BICC1: variants seen among roughly 807,000 people sequenced by gnomAD.
The protein encoded by BICC1 is BicC family RNA binding protein 1, also known as protein bicaudal C homolog 1.
Under a neutral mutation model 111.0 loss-of-function variants are expected in BICC1, and 43 were observed. The observed-to-expected ratio is 0.39, with a 90% CI of 0.30 to 0.50. The LOEUF (loss-of-function observed/expected upper bound fraction) is 0.50. Among genes scored for constraint, BICC1 ranks in the 20% least tolerant of loss-of-function variants. The probability of loss-of-function intolerance (pLI) is 0.88; values close to 1 mark genes in which losing one functional copy is unlikely to be tolerated. For missense variants in BICC1, 1,091 were observed against 1,203.2 expected (o/e 0.91, Z 1.38); for synonymous variants, 467 against 434.4 (o/e 1.07, Z -0.93).
intron 3 of BICC1, among the ~76,000 whole-genome samples, chr10:58,767,771 A>G (rs562154448): frequency 3.3e-5 from 5 of 152,282 alleles, no homozygotes; most frequent in South Asian, 2.1e-4. Context: ...ATAGATATAC[A>G]TCGTAAAATA....
intron 17 of BICC1, among the ~76,000 whole-genome samples, chr10:58,809,903 C>G (rs1321114545): frequency 1.3e-5 from 2 of 152,150 alleles, no homozygotes; most frequent in African/African-American, 4.8e-5. Context: ...CAAGAGAGTC[C>G]ATAGCAAAGG....
chr10:58,529,792 A>G (rs1029931783), intron 1 of BICC1, among the ~76,000 whole-genome samples: 7 of 151,896 alleles, frequency 4.6e-5, no homozygotes, highest in Admixed American at 6.6e-5. Flanking sequence ...CAGAAAGATC[A>G]CCTTCAAAAA....
intron 13 of BICC1, among the ~76,000 whole-genome samples, 187 bp from the exon 14 acceptor site, chr10:58,800,698 GTCTTC>G (rs1843516551): frequency 6.6e-6 from 1 of 152,066 alleles, no homozygotes; most frequent in Non-Finnish European, 1.5e-5. Context: ...ATATATGCGG[GTCTTC>G]TCTTCAAATT....
chr10:58,758,997 T>A (rs1166221684), intron 3 of BICC1, among the ~76,000 whole-genome samples: 1 of 151,902 alleles, frequency 6.6e-6, no homozygotes, highest in Non-Finnish European at 1.5e-5. Flanking sequence ...TCTTGCTTTG[T>A]CACTCAGGCT....
chr10:58,572,485 G>T (rs1232264897), intron 1 of BICC1, among the ~76,000 whole-genome samples: 2 of 152,008 alleles, frequency 1.3e-5, no homozygotes, highest in Admixed American at 1.3e-4. Flanking sequence ...AGATGATCTT[G>T]TTGGAAGCCA....
chr10:58,688,971 A>G (rs1839834730), intron 2 of BICC1, among the ~76,000 whole-genome samples: 1 of 152,214 alleles, frequency 6.6e-6, no homozygotes, highest in Non-Finnish European at 1.5e-5. Context: ...TGGCACATGT[A>G]TACCTGTGTA....
At chr10:58,702,727 G>C (rs1378754303) in intron 3 of BICC1, among the ~76,000 whole-genome samples, 1 of 152,096 alleles carries the variant, frequency 6.6e-6, no homozygotes, top group Admixed American at 6.5e-5. Context: ...ATTACATAGT[G>C]TTTTCAAATG....
At chr10:58,747,111 A>G (rs897587771) in intron 3 of BICC1, among the ~76,000 whole-genome samples, 3 of 152,152 alleles carry the variant, frequency 2.0e-5, no homozygotes, top group South Asian at 2.1e-4. Flanking sequence ...CTGTTATTAC[A>G]AAGGAAGTAT....
At chr10:58,560,386 C>G (rs936797899) in intron 1 of BICC1, among the ~76,000 whole-genome samples, 3 of 151,920 alleles carry the variant, frequency 2.0e-5, no homozygotes, top group Admixed American at 2.0e-4. Context: ...TTTTGTATTT[C>G]TGTGTTATCA....
chr10:58,547,550 G>A (rs992509483), intron 1 of BICC1, among the ~76,000 whole-genome samples: 15 of 152,104 alleles, frequency 9.9e-5, no homozygotes, highest in Admixed American at 7.9e-4. Flanking sequence ...AAGGCACTGC[G>A]TGCAGCCCAT....
chr10:58,591,709 T>C (rs1356150469), intron 1 of BICC1, among the ~76,000 whole-genome samples: 3 of 152,242 alleles, frequency 2.0e-5, no homozygotes, highest in Admixed American at 2.0e-4. Flanking sequence ...GAGAGCTTTG[T>C]TGTGCTGTGT....
chr10:58,625,857 T>C (rs1845974508), intron 2 of BICC1, among the ~76,000 whole-genome samples: 1 of 152,158 alleles, frequency 6.6e-6, no homozygotes, highest in African/African-American at 2.4e-5. Context: ...GTTAATAAAG[T>C]TACTCTGGCT....
At chr10:58,736,410 A>G (rs981068497) in intron 3 of BICC1, among the ~76,000 whole-genome samples, 2 of 152,114 alleles carry the variant, frequency 1.3e-5, no homozygotes, top group African/African-American at 4.8e-5. Flanking sequence ...TTTGTGATTA[A>G]ATTTGATGCT....
intron 15 of BICC1, 35 bp from the exon 16 acceptor site, chr10:58,806,549 A>G (rs530787467): frequency 1.3e-6 from 2 of 1,597,002 alleles, no homozygotes; most frequent in Non-Finnish European, 1.7e-6. Flanking sequence ...ATTTGGAGAG[A>G]CTGTCAATAA....
intron 3 of BICC1, among the ~76,000 whole-genome samples, chr10:58,754,197 G>T (rs533962976): frequency 3.9e-5 from 6 of 152,176 alleles, no homozygotes; most frequent in Admixed American, 1.3e-4. Context: ...CTCAAACATA[G>T]CTCTGTATAA....
At chr10:58,606,920 C>A (rs1339750235) in intron 1 of BICC1, among the ~76,000 whole-genome samples, 4 of 152,032 alleles carry the variant, frequency 2.6e-5, no homozygotes, top group African/African-American at 9.7e-5. Flanking sequence ...AAAGCTATTT[C>A]CTCCTATATT....
chr10:58,570,128 A>G (rs1207546432), intron 1 of BICC1, among the ~76,000 whole-genome samples: 1 of 152,218 alleles, frequency 6.6e-6, no homozygotes, highest in Non-Finnish European at 1.5e-5. Flanking sequence ...TTCGGGAACT[A>G]TAAGTTGTCA....
chr10:58,707,713 T>C (rs1045805482), intron 3 of BICC1, among the ~76,000 whole-genome samples: 4 of 151,762 alleles, frequency 2.6e-5, no homozygotes, highest in African/African-American at 4.8e-5. Context: ...TTATTATTAT[T>C]TGAGATGGAG....
chr10:58,618,984 G>A (rs1206679390), intron 1 of BICC1, among the ~76,000 whole-genome samples: 1 of 150,920 alleles, frequency 6.6e-6, no homozygotes, highest in Non-Finnish European at 1.5e-5. Flanking sequence ...TGTCATCTCT[G>A]ATCTGTCCTT....
Sources: allele counts gnomAD v4.1 joint callset (sites outside exome capture counted in the v4.1 genomes callset), GRCh38; gene constraint gnomAD v4.1.1; transcripts MANE v1.5; gene names NCBI Gene and HGNC (gene_info 2026-07-23, HGNC 2026-07-21).